The following C19orf44 variants were observed in gnomAD, a reference collection of about 807,000 sequenced individuals.
The protein encoded by C19orf44 is chromosome 19 open reading frame 44.
A neutral mutation model predicts 50.7 loss-of-function variants in C19orf44; 43 were observed. That is an observed-to-expected ratio of 0.85 (90% CI 0.66 to 1.09). The LOEUF is 1.09. C19orf44 is among the 50% of genes least tolerant of loss of function. The probability of loss-of-function intolerance (pLI) is 0.00; values close to 1 mark genes in which losing one functional copy is unlikely to be tolerated. For missense variants in C19orf44, 722 were observed against 836.2 expected (o/e 0.86, Z 1.68); for synonymous variants, 298 against 334.7 (o/e 0.89, Z 1.20).
chr19:16,506,958 C>T (rs893727263), intron 4 of C19orf44, among the ~76,000 whole-genome samples, 184 bp downstream of exon 4: 2 of 152,078 alleles, frequency 1.3e-5, no homozygotes, highest in Non-Finnish European at 2.9e-5. Flanking sequence ...CAGGTGTGAG[C>T]GACCATGCCT....
rs748694925 is a variant in C19orf44, at chr19:16,501,053, G to A, written c.261G>A (p.Arg87=). The A allele has an allele frequency of 3.1e-6, 5 of 1,614,102 alleles. No individual in the cohort carries two copies. The East Asian group carries it at 1.1e-4, about 36-fold the overall frequency. ...ASCRPPTTAS[R]IRANAALMKL... is the part of the protein sequence containing the mutation. ...GTAGACCGCCCACCACTGCCTCCAG[G>A]ATCCGAGCCAATGCCGCACTCATGA... Residue 87 remains arginine, a synonymous_variant, in exon 2 of 9, where the codon AGG becomes AGA. Transcript: ENST00000221671.
Position 16,509,759 on chromosome 19 carries a change from G to A in C19orf44, c.1410G>A (p.Glu470=), listed in dbSNP as rs747081260. The A allele has an allele frequency of 4.3e-6, 7 of 1,614,262 alleles. No individual in the cohort carries two copies. Among genetic ancestry groups the A allele is most frequent in the Non-Finnish European group, 5.9e-6 (7 of 1,180,046 alleles). ...MVNTVSSAYS[E]DFENSPSLTA... ...ACACAGTCAGCTCAGCTTATTCGGA[G>A]GATTTTGAAAACTCTCCAAGTCTGA... The change falls in exon 5 of 9, where the codon GAG becomes GAA. Residue 470 remains glutamate, a synonymous_variant. Transcript: ENST00000221671.
chr19:16,520,692 C>T lies in C19orf44; in HGVS notation c.*639C>T. ...GAGCCTGCTGCTGTGTGAATTCAGG[C>T]CTTGTGGAAAACACCGCCCCATAGG... On this transcript the variant is annotated 3_prime_UTR_variant, in exon 9 of 9. Coordinates refer to ENST00000221671, the MANE Select transcript of C19orf44 (RefSeq NM_032207.4). This position sits in a 1 kb window ranked among gnomAD's most constrained non-coding sequence, Gnocchi z 4.0. 8.7e-7 allele frequency: 1 copy of T among 1,155,998 alleles called. No homozygotes were observed. The highest frequency in any genetic ancestry group is 1.3e-5 in the South Asian group (1 of 77,670). The allele number at this position is 1,155,998 out of a possible 1,614,324, so 71.6% of individuals were successfully genotyped here.
Position 16,506,681 on chromosome 19 carries a change from T to C in C19orf44, c.1076-20T>C, listed in dbSNP as rs1290681848. ...ATAAGAGAGTAAATGTAAACGCTTA[T>C]ACTCATTTTTTAATTACAGAGTTTA... On this transcript the variant is annotated intron_variant, in intron 3 of 8. Transcript: ENST00000221671. 3.9e-6 allele frequency: 6 copies of C among 1,528,864 alleles called. No individual in the cohort carries two copies. Among genetic ancestry groups the C allele is most frequent in the Admixed American group, 1.9e-5 (1 of 52,080 alleles). The allele number at this position is 1,528,864 out of a possible 1,614,324, so 94.7% of individuals were successfully genotyped here.
intron 1 of C19orf44, 70 bp downstream of exon 1, chr19:16,496,535 G>T: frequency 3.3e-6 from 1 of 305,024 alleles, no homozygotes; most frequent in Non-Finnish European, 6.4e-6. Context: ...GGGGAAATGG[G>T]GCCTTCTCCG....
rs35035783 is a variant in C19orf44 at position 16,501,557 on chromosome 19, A to AT, written c.759+18dup. 0.33 allele frequency: 373,855 copies of AT among 1,146,142 alleles called. 25,963 individuals carry two copies. Among genetic ancestry groups the AT allele is most frequent in the African/African-American group, 0.58 (35,640 of 61,942 alleles). The allele number at this position is 1,146,142 out of a possible 1,614,324, so 71.0% of individuals were successfully genotyped here. ...AAGAAAGAAAACTATTTTCGGTGAG[A>AT]TTTTTTTTTTTTGGTAAATTTATTT... On this transcript the variant is annotated splice_region_variant and intron_variant, in intron 2 of 8. Coordinates refer to ENST00000221671, the MANE Select transcript of C19orf44 (RefSeq NM_032207.4).
chr19:16,518,221 G>A (rs1178868707), intron 8 of C19orf44: 1 of 152,168 alleles, frequency 6.6e-6, no homozygotes, highest in Non-Finnish European at 1.5e-5. Context: ...CCCTTCGGGG[G>A]TGTGAAATGA....
intron 5 of C19orf44, among the ~76,000 whole-genome samples, chr19:16,511,234 A>G (rs1021118554): frequency 6.6e-6 from 1 of 151,948 alleles, no homozygotes; most frequent in Non-Finnish European, 1.5e-5. Flanking sequence ...ATGGGGTTTC[A>G]CCATGCTGGC....
intron 7 of C19orf44, among the ~76,000 whole-genome samples, chr19:16,516,253 T>TA (rs1379532017): frequency 6.6e-6 from 1 of 152,012 alleles, no homozygotes; most frequent in Non-Finnish European, 1.5e-5. Context: ...CTGGGCAACA[T>TA]AGCAAGACTC....
chr19:16,509,475 C>T, intron 4 of C19orf44, 24 bp from the exon 5 acceptor site: 1 of 1,527,254 alleles, frequency 6.5e-7, no homozygotes, highest in Non-Finnish European at 8.8e-7. Context: ...ACTTCCCAGC[C>T]ACCTCTGCCA....
chr19:16,506,839 T>A (rs1417066135), intron 4 of C19orf44, 65 bp downstream of exon 4: 10 of 1,268,814 alleles, frequency 7.9e-6, no homozygotes, highest in African/African-American at 1.5e-5. Context: ...TTTTTTTAAA[T>A]TTTTAAAAAA....
Position 16,519,118 on chromosome 19 carries a change from C to T in C19orf44, c.*41-976C>T, listed in dbSNP as rs970568134. ...CCAGTCAGCCAGGAAGGTCCCACAG[C>T]CGGCACCGCTGGCCACCGGCGCGGC... On this transcript the variant is annotated intron_variant, in intron 8 of 8. Transcript: ENST00000221671. This position sits in a 1 kb window ranked among gnomAD's most constrained non-coding sequence, Gnocchi z 6.0. 6 of 1,574,194 alleles carry T rather than the reference C, an allele frequency of 3.8e-6. No individual in the cohort carries two copies. In the African/African-American group the frequency reaches 8.1e-5, roughly 21 times the overall value.
At chr19:16,511,908 G>T (rs531617086) in intron 5 of C19orf44, among the ~76,000 whole-genome samples, 2 of 151,570 alleles carry the variant, frequency 1.3e-5, no homozygotes, top group African/African-American at 4.9e-5. Context: ...CTAGCTACTC[G>T]GGAGGCCGAG....
chr19:16,498,307 A>T (rs2093415629), intron 1 of C19orf44, among the ~76,000 whole-genome samples: 1 of 152,160 alleles, frequency 6.6e-6, no homozygotes, highest in Non-Finnish European at 1.5e-5. Context: ...TTTTAGAGAT[A>T]GGGTCTTGCC....
chr19:16,519,075 C>T lies in C19orf44; in HGVS notation c.*41-1019C>T, dbSNP rs773056888. The T allele has an allele frequency of 3.1e-4, 384 of 1,246,464 alleles. 1 individual carries two copies. Among genetic ancestry groups the T allele is most frequent in the Admixed American group, 4.3e-4 (19 of 44,100 alleles). 77.2% of individuals were successfully genotyped at this position (1,246,464 alleles called of 1,614,324 possible). A position where few individuals can be genotyped will look rare whatever the true frequency, so the allele number is the denominator to read the frequency against. ...GGAGACGGTGTAAGAACTGAGCTGT[C>T]ACTGCAATCTTCCTCTGCCAGTCAG... On this transcript the variant is annotated intron_variant, in intron 8 of 8. Coordinates refer to ENST00000221671, the MANE Select transcript of C19orf44 (RefSeq NM_032207.4). The surrounding 1 kb of genome is among the most constrained non-coding windows in gnomAD (Gnocchi z 6.0).
chr19:16,500,975 C>T lies in C19orf44; in HGVS notation c.183C>T (p.His61=). The T allele has an allele frequency of 6.2e-7, 1 of 1,613,620 alleles. No individual in the cohort carries two copies. Among genetic ancestry groups the T allele is most frequent in the Non-Finnish European group, 8.5e-7 (1 of 1,179,880 alleles). ...LKRNQTLDEK[H]LLLKENPVLG... ...GAAACCAAACTCTAGATGAGAAACA[C>T]TTACTCCTGAAAGAGAACCCTGTGC... The change falls in exon 2 of 9, where the codon CAC becomes CAT. Residue 61 remains histidine, a synonymous_variant. Coordinates refer to ENST00000221671, the MANE Select transcript of C19orf44 (RefSeq NM_032207.4).
At chr19:16,501,669 C>T (rs1329934412) in intron 2 of C19orf44, 118 bp downstream of exon 2, 14 of 680,932 alleles carry the variant, frequency 2.1e-5, no homozygotes, top group South Asian at 1.5e-4. Context: ...CTCTGCTCAC[C>T]GCAACCTCCA....
chr19:16,498,330 C>G (rs1053317947), intron 1 of C19orf44, among the ~76,000 whole-genome samples: 1 of 152,152 alleles, frequency 6.6e-6, no homozygotes, highest in Non-Finnish European at 1.5e-5. Flanking sequence ...ATCATCCGGG[C>G]TGGAGTCCAG....
At chr19:16,513,623 ATCTGCCCACCTCGG>A (rs1386451548) in intron 6 of C19orf44, among the ~76,000 whole-genome samples, 2 of 152,078 alleles carry the variant, frequency 1.3e-5, no homozygotes, top group African/African-American at 4.8e-5. Flanking sequence ...ACCTCAAATG[ATCTGCCCACCTCGG>A]TCTCCCAAAG....
Sources: gnomAD v4.1 joint callset for allele counts (sites outside exome capture counted in the v4.1 genomes callset) on GRCh38, gnomAD v4.1.1 for gene constraint, Gnocchi (gnomAD v3.1) non-coding constraint, MANE v1.5 for transcripts, NCBI Gene and HGNC (gene_info 2026-07-23, HGNC 2026-07-21) for gene names.